Variants in PAPPA2 observed in about 807,000 individuals in gnomAD.
PAPPA2 encodes the protein pappalysin 2, also known as pappalysin-2.
A neutral mutation model predicts 176.4 loss-of-function variants in PAPPA2; 86 were observed. The observed-to-expected ratio is 0.49, with a 90% CI of 0.41 to 0.58. PAPPA2 has a LOEUF of 0.58. PAPPA2 is among the 20% of genes least tolerant of loss of function. The pLI is 0.00. For missense variants in PAPPA2, 2,073 were observed against 2,256.9 expected (o/e 0.92, Z 1.65); for synonymous variants, 809 against 852.2 (o/e 0.95, Z 0.88).
chr1:176,477,346 G>A (rs1355539983), intron 1 of PAPPA2, among the ~76,000 whole-genome samples: 1 of 152,070 alleles, frequency 6.6e-6, no homozygotes, highest in Admixed American at 6.6e-5. Flanking sequence ...ATTTTTTATT[G>A]TGATCCATTA....
Position 176,595,336 on chromosome 1 carries a change from C to A in PAPPA2, c.1732C>A (p.Arg578=), listed in dbSNP as rs375941290. Residue 578 remains arginine (R), a synonymous_variant, in exon 3 of 23, where the codon CGA becomes AGA. Coordinates refer to ENST00000367662, the MANE Select transcript of PAPPA2 (RefSeq NM_020318.3). Reference sequence around the variant, plus strand: ...CCACCAGGTCCACAATTCCACCCTGCGACACCGGGTTGTGCTTGTGAACTG... The same window carrying A: ...CCACCAGGTCCACAATTCCACCCTGAGACACCGGGTTGTGCTTGTGAACTG... The part of the protein sequence containing the change: ...SVHQVHNSTL[R]HRVVLVNCEP... The A allele has an allele frequency of 1.2e-6, 2 of 1,614,140 alleles. No individual in the cohort carries two copies. Among genetic ancestry groups the A allele is most frequent in the Non-Finnish European group, 1.7e-6 (2 of 1,180,030 alleles).
At chr1:176,704,468 T>C (rs1005613678) in intron 9 of PAPPA2, among the ~76,000 whole-genome samples, 7 of 152,168 alleles carry the variant, frequency 4.6e-5, no homozygotes, top group African/African-American at 1.7e-4. Flanking sequence ...TTATAAACAG[T>C]ATTCATATAG....
At chr1:176,733,407 C>G (rs555791694) in intron 12 of PAPPA2, among the ~76,000 whole-genome samples, 8 of 152,142 alleles carry the variant, frequency 5.3e-5, no homozygotes, top group Non-Finnish European at 1.2e-4. Flanking sequence ...CCATCAAAAA[C>G]TAACTGAGTG....
chr1:176,506,499 C>A (rs1648276302), intron 1 of PAPPA2, among the ~76,000 whole-genome samples: 1 of 151,910 alleles, frequency 6.6e-6, no homozygotes, highest in Non-Finnish European at 1.5e-5. Context: ...GAATATTTTT[C>A]TATTTATTTG....
chr1:176,525,171 A>T (rs1190547096), intron 1 of PAPPA2, among the ~76,000 whole-genome samples: 3 of 152,218 alleles, frequency 2.0e-5, no homozygotes, highest in African/African-American at 7.2e-5. Flanking sequence ...ATATTCCTAG[A>T]CCCTAGTACG....
intron 17 of PAPPA2, 78 bp downstream of exon 17, chr1:176,771,258 T>G (rs1284466357): frequency 4.9e-6 from 7 of 1,434,556 alleles, no homozygotes; most frequent in South Asian, 1.2e-5. Flanking sequence ...ATAATCTCTC[T>G]TTACCTGCAG....
At position 176,690,442 on chromosome 1, in the gene PAPPA2, G is replaced by A. The variant is rs780250772; in HGVS notation, c.2431+12G>A. ...CATGAGCTACACGGGTATCACCACT[G>A]TCTTGTTTTGTTTTCTGTTAAGAAT... On this transcript the variant is annotated intron_variant, in intron 5 of 22. Coordinates refer to ENST00000367662, the MANE Select transcript of PAPPA2 (RefSeq NM_020318.3). 4 of 1,609,380 alleles carry A rather than the reference G, an allele frequency of 2.5e-6. No homozygotes were observed. Among genetic ancestry groups the A allele is most frequent in the Non-Finnish European group, 3.4e-6 (4 of 1,176,200 alleles).
At chr1:176,807,465 C>T (rs1431977101) in intron 21 of PAPPA2, among the ~76,000 whole-genome samples, 2 of 151,708 alleles carry the variant, frequency 1.3e-5, no homozygotes, top group Non-Finnish European at 2.9e-5. Context: ...GAGCTACCTG[C>T]CTGCCAAGTT....
At chr1:176,677,018 T>A (rs1406626195) in intron 4 of PAPPA2, among the ~76,000 whole-genome samples, 1 of 152,166 alleles carries the variant, frequency 6.6e-6, no homozygotes, top group Non-Finnish European at 1.5e-5. Flanking sequence ...ACAACATGAT[T>A]ATTAATGTGC....
intron 14 of PAPPA2, among the ~76,000 whole-genome samples, chr1:176,755,953 A>T (rs1663395593): frequency 6.6e-6 from 1 of 152,090 alleles, no homozygotes; most frequent in African/African-American, 2.4e-5. Flanking sequence ...GACAAAATAT[A>T]TTTACAAATT....
intron 1 of PAPPA2, among the ~76,000 whole-genome samples, chr1:176,523,408 T>G (rs1379884943): frequency 6.6e-6 from 1 of 152,192 alleles, no homozygotes; most frequent in Non-Finnish European, 1.5e-5. Context: ...TATCTCTGGT[T>G]TCTGAAAGTA....
At chr1:176,652,043 T>A (rs978619254) in intron 3 of PAPPA2, among the ~76,000 whole-genome samples, 2 of 151,660 alleles carry the variant, frequency 1.3e-5, no homozygotes, top group African/African-American at 2.4e-5. Flanking sequence ...TTTCTGAATT[T>A]TTTTCTGTGT....
chr1:176,507,927 T>C (rs1186806523), intron 1 of PAPPA2, among the ~76,000 whole-genome samples: 1 of 151,948 alleles, frequency 6.6e-6, no homozygotes, highest in Non-Finnish European at 1.5e-5. Flanking sequence ...AAAAAAATTA[T>C]ATAAAAAGCA....
At chr1:176,481,668 C>A (rs571606645) in intron 1 of PAPPA2, among the ~76,000 whole-genome samples, 50 of 152,290 alleles carry the variant, frequency 3.3e-4, no homozygotes, top group African/African-American at 1.1e-3. Context: ...TTATACTCCT[C>A]TGATCTTGGA....
At chr1:176,623,556 C>T (rs1231378251) in intron 3 of PAPPA2, among the ~76,000 whole-genome samples, 1 of 147,120 alleles carries the variant, frequency 6.8e-6, no homozygotes, top group Admixed American at 6.8e-5. Context: ...GCTGCATTTT[C>T]CCCTTCCTTC....
intron 14 of PAPPA2, among the ~76,000 whole-genome samples, chr1:176,745,534 A>C (rs779356806): frequency 2.0e-5 from 3 of 152,158 alleles, no homozygotes; most frequent in African/African-American, 4.8e-5. Context: ...CTTAGTTGGG[A>C]TCCAATAAGG....
Position 176,555,633 on chromosome 1 carries a change from C to T in PAPPA2, c.-690C>T, listed in dbSNP as rs1457319856. The T allele has an allele frequency of 6.6e-6, 1 of 152,212 alleles. No homozygotes were observed. Among genetic ancestry groups the T allele is most frequent in the African/African-American group, 2.4e-5 (1 of 41,450 alleles). 9.4% of individuals were successfully genotyped at this position (152,212 alleles called of 1,614,324 possible). On this transcript the variant is annotated 5_prime_UTR_variant, in exon 2 of 23. Transcript: ENST00000367662. ...GGCTGGATGGGGACCTGGCTGAAGA[C>T]ATCTGGAGAATGAAAGTTAAGTACC... is the stretch of plus-strand genomic sequence containing the variant.
chr1:176,692,177 G>T lies in PAPPA2; in HGVS notation c.2483G>T (p.Cys828Phe). The T allele has an allele frequency of 6.2e-7, 1 of 1,614,044 alleles. No homozygotes were observed. Among genetic ancestry groups the T allele is most frequent in the Non-Finnish European group, 8.5e-7 (1 of 1,179,962 alleles). Residue 828 changes from cysteine (C) to phenylalanine (F), a missense_variant, in exon 6 of 23, where the codon TGC (cysteine) becomes TTC (phenylalanine). Physicochemically the swap from Cys to Phe is radical, Grantham distance 205. Transcript: ENST00000367662. ...FTPNQVARMH[C>F]YLDLVYQQWT... ...CCTAACCAAGTGGCCCGAATGCATT[G>T]CTATTTGGACCTAGTCTATCAGCAG... is the stretch of plus-strand genomic sequence containing the variant.
chr1:176,472,586 A>C (rs1651932748), intron 1 of PAPPA2, among the ~76,000 whole-genome samples: 1 of 152,144 alleles, frequency 6.6e-6, no homozygotes, highest in South Asian at 2.1e-4. Flanking sequence ...CTAGGCACAA[A>C]GTATGTTTAT....
Sources: gnomAD v4.1 joint callset for allele counts (sites outside exome capture counted in the v4.1 genomes callset) on GRCh38, gnomAD v4.1.1 for gene constraint, MANE v1.5 for transcripts, NCBI Gene and HGNC (gene_info 2026-07-23, HGNC 2026-07-21) for gene names.